Variants in RET observed in about 807,000 individuals in gnomAD.
RET encodes proto-oncogene tyrosine-protein kinase receptor Ret.
RET carries 19 observed loss-of-function variants against 118.3 expected under a neutral mutation model. That is an observed-to-expected ratio of 0.16 (90% CI 0.11 to 0.24). The LOEUF is 0.24. RET is among the 10% of genes least tolerant of loss of function. The pLI is 1.00. For missense variants in RET, 1,219 were observed against 1,502.1 expected, an observed-to-expected ratio of 0.81 and a Z score of 3.12; for synonymous variants, 597 against 644.1, an observed-to-expected ratio of 0.93 and a Z score of 1.11.
chr10:43,116,785 CGGGT>C, intron 12 of RET, 54 bp downstream of exon 12: 5 of 1,398,532 alleles, frequency 3.6e-6, no homozygotes, highest in Non-Finnish European at 5.0e-6. Flanking sequence ...GGGCGGGGGG[CGGGT>C]GAGGCCCCTC....
chr10:43,118,365 C>T lies in RET; in HGVS notation c.2285-8C>T. The T allele has an allele frequency of 1.2e-6, 2 of 1,610,736 alleles. No individual in the cohort carries two copies. The highest frequency in any genetic ancestry group is 1.1e-5 in the South Asian group (1 of 90,954). On this transcript the variant is annotated splice_polypyrimidine_tract_variant and splice_region_variant and intron_variant, in intron 12 of 19. Coordinates refer to ENST00000355710, the MANE Select transcript of RET (RefSeq NM_020975.6). ...ATCGTTTGCAACCTGCTCTGTGCTG[C>T]ATTTCAGAGAACGCCTCCCCGAGTG... is the stretch of plus-strand genomic sequence containing the variant.
At chr10:43,111,704 T>C (rs1371057042) in intron 7 of RET, among the ~76,000 whole-genome samples, 5 of 152,214 alleles carry the variant, frequency 3.3e-5, no homozygotes, top group African/African-American at 2.4e-5. Flanking sequence ...TATAGGTGTG[T>C]TCCATGCAAC....
chr10:43,118,556 T>C (rs1345364354), intron 13 of RET, 76 bp downstream of exon 13: 9 of 1,069,936 alleles, frequency 8.4e-6, no homozygotes, highest in Non-Finnish European at 1.1e-5. Flanking sequence ...GTTCTCCCTC[T>C]TTCTCCCTTT....
intron 3 of RET, 127 bp from the exon 4 acceptor site, chr10:43,104,817 TGGAGCGGA>T (rs1837721544): frequency 7.6e-7 from 1 of 1,320,884 alleles, no homozygotes; most frequent in Non-Finnish European, 1.0e-6. Context: ...CCCTCCCCTG[TGGAGCGGA>T]GGAGGGGAGG....
intron 9 of RET, among the ~76,000 whole-genome samples, chr10:43,113,195 G>C (rs1045072356): frequency 6.6e-6 from 1 of 152,142 alleles, no homozygotes; most frequent in Admixed American, 6.5e-5. Flanking sequence ...CCCAGAAGTC[G>C]GCACACACAG....
rs777604634 is a variant in RET at position 43,112,960 on chromosome 10, C to G, written c.1756C>G (p.Leu586Val). The change falls in exon 9 of 20, where the codon CTC becomes GTC. Residue 586 changes from leucine (L) to valine (V), a missense_variant. By Grantham distance (32) the Leu-to-Val change is conservative. Around this residue, in one of 5 missense-constraint regions of RET, gnomAD observed 850 missense variants for 969.6 expected, o/e 0.88. Transcript: ENST00000355710. The part of the protein sequence containing the change: ...QDINICPQDC[L>V]RGSIVGGHEP... ...CATCAACATTTGCCCTCAGGACTGC[C>G]TCCGTAAGCAGGGTTTAATCAGGGC... is the stretch of plus-strand genomic sequence containing the variant. The G allele has an allele frequency of 6.2e-7, 1 of 1,613,202 alleles. No individual in the cohort carries two copies. The highest frequency in any genetic ancestry group is 8.5e-7 in the Non-Finnish European group (1 of 1,179,274).
At chr10:43,084,917 G>C (rs939758094) in intron 1 of RET, among the ~76,000 whole-genome samples, 2 of 152,138 alleles carry the variant, frequency 1.3e-5, no homozygotes, top group African/African-American at 4.8e-5. Flanking sequence ...CAGCAGCAGG[G>C]GAACCAGGGC....
chr10:43,115,046 G>T (rs1377585831), intron 11 of RET, among the ~76,000 whole-genome samples: 2 of 152,170 alleles, frequency 1.3e-5, no homozygotes, highest in Non-Finnish European at 2.9e-5. Context: ...AGCCTGGCCT[G>T]CAGGTCTGCA....
chr10:43,089,837 T>C (rs967945611), intron 1 of RET, among the ~76,000 whole-genome samples: 2 of 152,238 alleles, frequency 1.3e-5, no homozygotes, highest in African/African-American at 4.8e-5. Flanking sequence ...TCTGTCAGCC[T>C]CATACTCTTG....
At chr10:43,082,968 G>A (rs1837217296) in intron 1 of RET, among the ~76,000 whole-genome samples, 1 of 152,134 alleles carries the variant, frequency 6.6e-6, no homozygotes, top group Admixed American at 6.5e-5. Context: ...AGCTGTTGCT[G>A]GGCTAGGGGC....
chr10:43,117,002 C>T (rs923685030), intron 12 of RET, among the ~76,000 whole-genome samples: 5 of 152,258 alleles, frequency 3.3e-5, no homozygotes, highest in African/African-American at 4.8e-5. Context: ...TTTGAGCTGA[C>T]AGCTGTCTTC....
chr10:43,100,867 C>A, intron 2 of RET, 145 bp downstream of exon 2: 3 of 895,626 alleles, frequency 3.3e-6, no homozygotes, highest in Non-Finnish European at 5.2e-6. Context: ...GTGAGGCTGG[C>A]CTGCCTCTGT....
Position 43,079,671 on chromosome 10 carries a change from A to C in RET, c.73+2340A>C, listed in dbSNP as rs568896160. Among the ~76,000 whole-genome samples the C allele has an allele frequency of 5.3e-5, 8 of 152,216 alleles. No individual in the cohort carries two copies. In the South Asian group the frequency reaches 1.7e-3, roughly 32 times the overall value. ...GTCCTGTTTTGCAGCAAGGAAGGACATTCCCTCTCTGCCCCTGGGCCCCGG... is the reference window on the plus strand; with the variant it reads ...GTCCTGTTTTGCAGCAAGGAAGGACCTTCCCTCTCTGCCCCTGGGCCCCGG... On this transcript the variant is annotated intron_variant, in intron 1 of 19. Transcript: ENST00000355710.
rs2132907937 is a variant in RET, at chr10:43,116,689, G to T, written c.2242G>T (p.Gly748Cys). The change falls in exon 12 of 20, where the codon GGC becomes TGC. Residue 748 changes from glycine to cysteine, a missense_variant. Physicochemically the swap from Gly to Cys is radical, Grantham distance 159. Transcript: ENST00000355710. ...CAAGGCAACGGCCTTCCATCTGAAA[G>T]GCAGAGCAGGGTACACCACGGTGGC... ...VVKATAFHLK[G>C]RAGYTTVAVK... 1 of 1,614,046 alleles carries T rather than the reference G, an allele frequency of 6.2e-7. No homozygotes were observed.
rs1588877202 is a variant in RET, at chr10:43,119,602, G to A, written c.2464G>A (p.Val822Met). Reference protein sequence around the residue: ...LRGFLRESRKVGPGYLGSGGS... With the variant: ...LRGFLRESRKMGPGYLGSGGS... ...GGGCTTCCTCCGCGAGAGCCGCAAA[G>A]TGGGGCCTGGCTACCTGGGCAGTGG... The change falls in exon 14 of 20, where the codon GTG becomes ATG. Residue 822 changes from valine to methionine, a missense_variant. Physicochemically the swap from Val to Met is conservative, Grantham distance 21. Around this residue, in one of 5 missense-constraint regions of RET, gnomAD observed 850 missense variants for 969.6 expected, o/e 0.88. Coordinates refer to ENST00000355710, the MANE Select transcript of RET (RefSeq NM_020975.6). 1 of 1,612,606 alleles carries A rather than the reference G, an allele frequency of 6.2e-7. No homozygotes were observed. Among genetic ancestry groups the A allele is most frequent in the East Asian group, 2.2e-5 (1 of 44,872 alleles).
At chr10:43,112,372 A>G in intron 8 of RET, 148 bp downstream of exon 8, 2 of 1,233,004 alleles carry the variant, frequency 1.6e-6, no homozygotes, top group Non-Finnish European at 2.3e-6. Context: ...CGATGCCAGC[A>G]TAGCGGGCAG....
chr10:43,107,707 G>C (rs1837816993), intron 5 of RET, among the ~76,000 whole-genome samples: 1 of 152,144 alleles, frequency 6.6e-6, no homozygotes, highest in South Asian at 2.1e-4. Flanking sequence ...AAGAAGCCTT[G>C]AGTAAGTGGT....
In RET at chr10:43,077,264, G is replaced by A. The variant is rs1243883489; in HGVS notation, c.6G>A (p.Ala2=). The A allele has an allele frequency of 8.0e-6, 12 of 1,504,372 alleles. No homozygotes were observed. In the Admixed American group the frequency reaches 1.2e-4, roughly 16 times the overall value. The allele number at this position is 1,504,372 out of a possible 1,614,324, so 93.2% of individuals were successfully genotyped here. M[A]KATSGAAGLR... ...GGCCCCAGCGCGCACGGGCGATGGC[G>A]AAGGCGACGTCCGGTGCCGCGGGGC... The change falls in exon 1 of 20, where the codon GCG becomes GCA. Residue 2 remains alanine, a synonymous_variant. Transcript: ENST00000355710.
At chr10:43,080,800 C>A (rs1219512991) in intron 1 of RET, among the ~76,000 whole-genome samples, 1 of 152,214 alleles carries the variant, frequency 6.6e-6, no homozygotes, top group East Asian at 1.9e-4. Flanking sequence ...GCTGTGCCAG[C>A]AGAAGGGCCG....
Sources: gnomAD v4.1 joint callset for allele counts (sites outside exome capture counted in the v4.1 genomes callset) on GRCh38, gnomAD v4.1.1 for gene constraint, gnomAD v4.1.1 regional missense constraint, MANE v1.5 for transcripts, NCBI Gene and HGNC (gene_info 2026-07-23, HGNC 2026-07-21) for gene names.